Variants in CEP128 observed in about 807,000 individuals in gnomAD.
The protein encoded by CEP128 is centrosomal protein 128, also known as centrosomal protein 128kDa.
A neutral mutation model predicts 156.7 loss-of-function variants in CEP128; 132 were observed. The ratio of observed to expected loss-of-function variants is 0.84; its 90% CI spans 0.73 to 0.97. The LOEUF is 0.97. CEP128 is among the 50% of genes least tolerant of loss of function. The probability of loss-of-function intolerance (pLI) is 0.00; values close to 1 mark genes in which losing one functional copy is unlikely to be tolerated. For missense variants in CEP128, 1,252 were observed against 1,281.9 expected, an observed-to-expected ratio of 0.98 and a Z score of 0.36; for synonymous variants, 469 against 448.9, an observed-to-expected ratio of 1.04 and a Z score of -0.57.
At chr14:80,541,430 C>G (rs895556713) in intron 21 of CEP128, among the ~76,000 whole-genome samples, 1 of 126,624 alleles carries the variant, frequency 7.9e-6, no homozygotes, top group Admixed American at 8.4e-5. Flanking sequence ...GAAAGTGAAG[C>G]TAATGACTGT....
chr14:80,540,437 G>C (rs185697602), intron 21 of CEP128, among the ~76,000 whole-genome samples: 79 of 152,302 alleles, frequency 5.2e-4, no homozygotes, highest in Admixed American at 3.5e-3. Flanking sequence ...CCCTAAGGAG[G>C]GCACCTGTGT....
At chr14:80,950,970 T>G (rs1411740444) in intron 2 of CEP128, among the ~76,000 whole-genome samples, 2 of 151,194 alleles carry the variant, frequency 1.3e-5, no homozygotes, top group African/African-American at 2.4e-5. Context: ...AGATTTGTCC[T>G]TGTAAACAAT....
chr14:80,669,643 T>C (rs1895760663), intron 19 of CEP128, among the ~76,000 whole-genome samples: 1 of 152,154 alleles, frequency 6.6e-6, no homozygotes, highest in Non-Finnish European at 1.5e-5. Flanking sequence ...AGTACGGCTA[T>C]TATTAAAAAG....
chr14:80,936,717 G>A (rs1015568056), intron 2 of CEP128, among the ~76,000 whole-genome samples: 1 of 152,146 alleles, frequency 6.6e-6, no homozygotes, highest in Non-Finnish European at 1.5e-5. Context: ...CAGTCCAGTT[G>A]TAAAAGACTC....
At chr14:80,635,010 A>G (rs559719094) in intron 19 of CEP128, among the ~76,000 whole-genome samples, 1 of 152,324 alleles carries the variant, frequency 6.6e-6, no homozygotes, top group East Asian at 1.9e-4. Flanking sequence ...CCAGACGACC[A>G]GGCCTCCAAA....
At chr14:80,563,552 A>C (rs1487964461) in intron 20 of CEP128, among the ~76,000 whole-genome samples, 1 of 25,256 alleles carries the variant, frequency 4.0e-5, no homozygotes. Flanking sequence ...TTTTTTTTTG[A>C]GATGGAATCT....
At chr14:80,550,319 GT>G (rs986608885) in intron 21 of CEP128, among the ~76,000 whole-genome samples, 5 of 152,174 alleles carry the variant, frequency 3.3e-5, no homozygotes, top group African/African-American at 1.2e-4. Context: ...TCAAAATTAA[GT>G]TTTAAAGCTA....
At chr14:80,626,420 C>T (rs893188840) in intron 19 of CEP128, among the ~76,000 whole-genome samples, 2 of 138,594 alleles carry the variant, frequency 1.4e-5, no homozygotes, top group African/African-American at 5.5e-5. Context: ...GCCGAGATTG[C>T]GCCACTGCAG....
chr14:80,736,756 T>C (rs576316705), intron 19 of CEP128, among the ~76,000 whole-genome samples: 5 of 152,326 alleles, frequency 3.3e-5, no homozygotes, highest in African/African-American at 1.2e-4. Context: ...TACAGTTAAC[T>C]AAAGAATAAT....
chr14:80,740,489 TATATCTAGATAGATAGATAGATAG>T (rs1898762395), intron 19 of CEP128, among the ~76,000 whole-genome samples: 1 of 139,678 alleles, frequency 7.2e-6, no homozygotes, highest in Non-Finnish European at 1.6e-5. Context: ...GATTCATATT[TATATCTAGATAGATAGATAGATAG>T]ATAGATAGAT....
At chr14:80,797,949 T>C (rs1193480186) in intron 13 of CEP128, among the ~76,000 whole-genome samples, 5 of 152,198 alleles carry the variant, frequency 3.3e-5, no homozygotes, top group Non-Finnish European at 7.4e-5. Flanking sequence ...AGGCATCTTC[T>C]ACACTGAGGA....
intron 19 of CEP128, among the ~76,000 whole-genome samples, chr14:80,674,562 T>C (rs1895985959): frequency 6.6e-6 from 1 of 152,122 alleles, no homozygotes; most frequent in African/African-American, 2.4e-5. Flanking sequence ...TAAGAACATT[T>C]CTTTATTAAG....
intron 21 of CEP128, among the ~76,000 whole-genome samples, chr14:80,538,481 C>T (rs543621110): frequency 6.6e-6 from 1 of 152,178 alleles, no homozygotes; most frequent in South Asian, 2.1e-4. Flanking sequence ...TTCAAGCATA[C>T]AGGAAATGTG....
At chr14:80,657,132 C>T (rs1338342085) in intron 19 of CEP128, among the ~76,000 whole-genome samples, 2 of 152,004 alleles carry the variant, frequency 1.3e-5, no homozygotes, top group African/African-American at 4.8e-5. Flanking sequence ...GTGGTGGGTG[C>T]CTGTAATCCC....
At chr14:80,558,685 A>G (rs1248556740) in intron 21 of CEP128, among the ~76,000 whole-genome samples, 1 of 152,178 alleles carries the variant, frequency 6.6e-6, no homozygotes, top group African/African-American at 2.4e-5. Context: ...GGCCTCCCAG[A>G]GTGCTGGGAT....
intron 12 of CEP128, 74 bp downstream of exon 12, chr14:80,836,130 GA>G: frequency 7.3e-7 from 1 of 1,372,150 alleles, no homozygotes; most frequent in Non-Finnish European, 1.0e-6. Flanking sequence ...TTCTGAGGAT[GA>G]AAAGTATTTT....
chr14:80,508,192 A>G (rs1039796965), intron 23 of CEP128, among the ~76,000 whole-genome samples: 3 of 152,250 alleles, frequency 2.0e-5, no homozygotes, highest in African/African-American at 7.2e-5. Flanking sequence ...CTGGGATTAC[A>G]GGCGTGAGCC....
intron 8 of CEP128, among the ~76,000 whole-genome samples, chr14:80,893,386 T>C (rs1350880369): frequency 6.6e-6 from 1 of 151,642 alleles, no homozygotes; most frequent in Non-Finnish European, 1.5e-5. Flanking sequence ...GTAGCTGATA[T>C]GTAGGATGAA....
chr14:80,727,941 T>C (rs1437365351), intron 19 of CEP128, among the ~76,000 whole-genome samples: 3 of 152,088 alleles, frequency 2.0e-5, no homozygotes, highest in Admixed American at 1.3e-4. Flanking sequence ...GCCACTGTGG[T>C]AAGCAGGCAA....
Sources: allele counts gnomAD v4.1 joint callset (sites outside exome capture counted in the v4.1 genomes callset), GRCh38; gene constraint gnomAD v4.1.1; transcripts MANE v1.5; gene names NCBI Gene and HGNC (gene_info 2026-07-23, HGNC 2026-07-21).